FOXP2: variants seen among roughly 807,000 people sequenced by gnomAD.
The protein encoded by FOXP2 is forkhead box P2.
A neutral mutation model predicts 115.8 loss-of-function variants in FOXP2; 12 were observed. The observed-to-expected ratio is 0.10, with a 90% CI of 0.07 to 0.17. The LOEUF (loss-of-function observed/expected upper bound fraction) is 0.17, where lower values mean the gene tolerates loss of function less well. Ranked by LOEUF, FOXP2 falls within the 10% of genes least tolerant of loss-of-function variation. FOXP2 has a pLI of 1.00. For synonymous variants in FOXP2, 328 were observed against 297.7 expected, an observed-to-expected ratio of 1.10 and a Z score of -1.05; for missense variants, 629 against 843.5, an observed-to-expected ratio of 0.75 and a Z score of 3.15.
intron 3 of FOXP2, among the ~76,000 whole-genome samples, chr7:114,608,349 CT>C (rs1431365663): frequency 1.3e-5 from 2 of 152,058 alleles, no homozygotes; most frequent in East Asian, 1.9e-4. Context: ...TGTCTGCAAA[CT>C]TTTTTTTATA....
chr7:114,212,116 A>G (rs921532612), intron 1 of FOXP2, among the ~76,000 whole-genome samples: 5 of 92,130 alleles, frequency 5.4e-5, no homozygotes, highest in Admixed American at 1.6e-4. Flanking sequence ...AAATAAAATA[A>G]AATAAAATAT....
chr7:114,277,456 C>G (rs752802704), intron 1 of FOXP2, among the ~76,000 whole-genome samples: 1 of 151,976 alleles, frequency 6.6e-6, no homozygotes, highest in African/African-American at 2.4e-5. Flanking sequence ...TGGACAGCTC[C>G]TAGCATAGTG....
chr7:114,297,125 G>T, intron 2 of FOXP2: 1 of 475,136 alleles, frequency 2.1e-6, no homozygotes, highest in Non-Finnish European at 4.3e-6. Flanking sequence ...GTCTTTCTTG[G>T]CAGCGACTTT....
At chr7:114,573,154 T>A (rs1801405023) in intron 3 of FOXP2, among the ~76,000 whole-genome samples, 1 of 151,832 alleles carries the variant, frequency 6.6e-6, no homozygotes, top group African/African-American at 2.4e-5. Context: ...TCATACTTCA[T>A]CTTGGTCATT....
intron 2 of FOXP2, among the ~76,000 whole-genome samples, chr7:114,338,861 C>G (rs1397506606): frequency 1.3e-5 from 2 of 150,546 alleles, no homozygotes; most frequent in Admixed American, 1.3e-4. Context: ...CCATAATCAC[C>G]AGGTGTTATT....
intron 1 of FOXP2, among the ~76,000 whole-genome samples, chr7:114,165,235 C>G (rs1792947342): frequency 6.6e-6 from 1 of 152,118 alleles, no homozygotes; most frequent in South Asian, 2.1e-4. Context: ...CAACGAGGTT[C>G]CTTCTCACCT....
At chr7:114,255,064 C>G (rs1446613882) in intron 1 of FOXP2, among the ~76,000 whole-genome samples, 1 of 152,140 alleles carries the variant, frequency 6.6e-6, no homozygotes, top group Non-Finnish European at 1.5e-5. Flanking sequence ...CCACTCCAGA[C>G]CCTGTTTGCC....
At chr7:114,142,031 T>A (rs1395341206) in intron 1 of FOXP2, among the ~76,000 whole-genome samples, 1 of 151,984 alleles carries the variant, frequency 6.6e-6, no homozygotes, top group Non-Finnish European at 1.5e-5. Context: ...AGAATTAGAT[T>A]GTTTTTTTTT....
intron 6 of FOXP2, among the ~76,000 whole-genome samples, chr7:114,639,480 C>CTAGA (rs1194002796): frequency 6.8e-6 from 1 of 146,946 alleles, no homozygotes; most frequent in Non-Finnish European, 1.5e-5. Flanking sequence ...AAGAGGTAGA[C>CTAGA]TAGATAGATA....
chr7:114,280,385 A>ATT (rs999707086), intron 1 of FOXP2, among the ~76,000 whole-genome samples: 1 of 151,954 alleles, frequency 6.6e-6, no homozygotes, highest in African/African-American at 2.4e-5. Flanking sequence ...GAGCACTGTG[A>ATT]TTTTTTTCTC....
intron 1 of FOXP2, among the ~76,000 whole-genome samples, chr7:114,191,233 A>G (rs1226899669): frequency 6.6e-6 from 1 of 152,172 alleles, no homozygotes; most frequent in East Asian, 1.9e-4. Flanking sequence ...GGCTAAATGT[A>G]TACCTTTCCT....
At chr7:114,579,392 G>C (rs189909668) in intron 3 of FOXP2, among the ~76,000 whole-genome samples, 1 of 152,094 alleles carries the variant, frequency 6.6e-6, no homozygotes, top group African/African-American at 2.4e-5. Context: ...ATTCTTTCGA[G>C]AAATTGTGAT....
At position 114,096,192 on chromosome 7, in the gene FOXP2, G is replaced by A. The variant is rs182826058; in HGVS notation, c.-247+8354G>A. On this transcript the variant is annotated intron_variant, in intron 1 of 19. Coordinates refer to the FOXP2 transcript ENST00000635638. ...TTCAGCACAACCAAGGAAAGCCGGG[G>A]ATAATAATTATGGTAGTTTTTAGCA... is the stretch of plus-strand genomic sequence containing the variant. Among the ~76,000 whole-genome samples, 435 of 152,254 alleles carry A rather than the reference G, an allele frequency of 2.9e-3. 3 individuals are homozygous for A. Among genetic ancestry groups the A allele is most frequent in the South Asian group, 0.016 (79 of 4,824 alleles).
At chr7:114,254,288 T>G (rs998580539) in intron 1 of FOXP2, among the ~76,000 whole-genome samples, 8 of 152,306 alleles carry the variant, frequency 5.3e-5, no homozygotes, top group East Asian at 1.9e-4. Context: ...TGCTCTTCTT[T>G]AGGAGTATCT....
intron 14 of FOXP2, among the ~76,000 whole-genome samples, chr7:114,662,428 G>A (rs190164551): frequency 4.7e-4 from 72 of 152,080 alleles, no homozygotes; most frequent in African/African-American, 1.3e-3. Context: ...GCATTTCTAC[G>A]TGTATCAAAA....
chr7:114,090,006 C>G (rs1006009269), intron 1 of FOXP2, among the ~76,000 whole-genome samples: 17 of 151,916 alleles, frequency 1.1e-4, no homozygotes, highest in African/African-American at 4.1e-4. Flanking sequence ...AACTTATTTA[C>G]ATAAAAGGGA....
At chr7:114,370,453 C>A (rs889158726) in intron 2 of FOXP2, among the ~76,000 whole-genome samples, 17 of 152,188 alleles carry the variant, frequency 1.1e-4, no homozygotes, top group Admixed American at 2.6e-4. Context: ...CTGTTCCTAG[C>A]CTCGTTTATG....
At chr7:114,285,301 T>C (rs1796441449) in intron 1 of FOXP2, 1 of 152,202 alleles carries the variant, frequency 6.6e-6, no homozygotes, top group Non-Finnish European at 1.5e-5. Flanking sequence ...CCCTGTGGCT[T>C]GTATTTTCTC....
At chr7:114,155,851 A>C (rs1041372721) in intron 1 of FOXP2, among the ~76,000 whole-genome samples, 1 of 152,124 alleles carries the variant, frequency 6.6e-6, no homozygotes, top group Non-Finnish European at 1.5e-5. Flanking sequence ...AAGAGATCAA[A>C]TGTGCGGTTT....
Sources: allele counts gnomAD v4.1 joint callset (sites outside exome capture counted in the v4.1 genomes callset), GRCh38; gene constraint gnomAD v4.1.1; transcripts MANE v1.5; gene names NCBI Gene and HGNC (gene_info 2026-07-23, HGNC 2026-07-21).